Variants in LRRC7 observed in about 807,000 individuals in gnomAD.
LRRC7 encodes leucine-rich repeat-containing protein 7.
A neutral mutation model predicts 175.7 loss-of-function variants in LRRC7; 23 were observed. The observed-to-expected ratio is 0.13, with a 90% CI of 0.09 to 0.19. The LOEUF (loss-of-function observed/expected upper bound fraction) is 0.19, where lower values mean the gene tolerates loss of function less well. LRRC7 is among the 10% of genes least tolerant of loss of function. LRRC7 has a pLI of 1.00. For missense variants in LRRC7, 1,354 were observed against 1,904.7 expected, an observed-to-expected ratio of 0.71 and a Z score of 5.38; for synonymous variants, 685 against 680.9, an observed-to-expected ratio of 1.01 and a Z score of -0.09.
chr1:69,865,258 C>A (rs1430560737), intron 7 of LRRC7, among the ~76,000 whole-genome samples: 1 of 151,934 alleles, frequency 6.6e-6, no homozygotes. Flanking sequence ...ACGACATCTG[C>A]ACAACATGCA....
Position 69,792,171 on chromosome 1 carries a change from T to C in LRRC7, c.421+11T>C, listed in dbSNP as rs762863828. 2.1e-5 allele frequency: 30 copies of C among 1,447,650 alleles called. No individual in the cohort carries two copies. Among genetic ancestry groups the C allele is most frequent in the Admixed American group, 5.4e-5 (3 of 55,620 alleles). 89.7% of individuals were successfully genotyped at this position (1,447,650 alleles called of 1,614,324 possible). The stretch of plus-strand genomic sequence containing the variant: ...ACATCAGTAAAAATGGTAAGATTTT[T>C]CTCTCATCATAAAATACCTAGAATT... On this transcript the variant is annotated intron_variant, in intron 4 of 26. Coordinates refer to ENST00000651989, the MANE Select transcript of LRRC7 (RefSeq NM_001370785.2).
intron 8 of LRRC7, among the ~76,000 whole-genome samples, chr1:69,956,441 T>C (rs189646063): frequency 6.6e-6 from 1 of 151,990 alleles, no homozygotes. Context: ...GAATAAATAT[T>C]ACAAGTTTTA....
chr1:69,970,019 T>C (rs1652066700), intron 8 of LRRC7, among the ~76,000 whole-genome samples: 1 of 152,128 alleles, frequency 6.6e-6, no homozygotes, highest in South Asian at 2.1e-4. Context: ...AATAACTTGC[T>C]CCTGAATGAT....
At chr1:69,700,078 G>T (rs1663151790) in intron 2 of LRRC7, among the ~76,000 whole-genome samples, 1 of 152,122 alleles carries the variant, frequency 6.6e-6, no homozygotes, top group Non-Finnish European at 1.5e-5. Context: ...TCAACATTCT[G>T]ATCCCTCTTA....
At chr1:69,928,927 G>T (rs1433366112) in intron 7 of LRRC7, among the ~76,000 whole-genome samples, 2 of 152,188 alleles carry the variant, frequency 1.3e-5, no homozygotes, top group African/African-American at 4.8e-5. Flanking sequence ...GTAGACCGGA[G>T]CTGTTCCTAT....
chr1:69,826,842 C>A lies in LRRC7; in HGVS notation c.500+1016C>A, dbSNP rs1343748. Among the ~76,000 whole-genome samples, 1,089 of 151,874 alleles carry A rather than the reference C, an allele frequency of 7.2e-3. 42 individuals are homozygous for A. The South Asian group carries it at 0.089, about 12-fold the overall frequency. On this transcript the variant is annotated intron_variant, in intron 5 of 26. Transcript: ENST00000651989. ...GGGAAGTTGATGGGAAATTTTATACCAGTAGAGTTGAGGAGAGGGAGTAGT... is the reference window on the plus strand; with the variant it reads ...GGGAAGTTGATGGGAAATTTTATACAAGTAGAGTTGAGGAGAGGGAGTAGT...
chr1:69,648,251 A>G (rs1655281653), intron 1 of LRRC7, among the ~76,000 whole-genome samples: 1 of 152,162 alleles, frequency 6.6e-6, no homozygotes, highest in Admixed American at 6.5e-5. Context: ...GTAATTGTTC[A>G]TAAATTAACT....
intron 2 of LRRC7, among the ~76,000 whole-genome samples, chr1:69,708,836 T>C (rs1664383488): frequency 6.6e-6 from 1 of 152,260 alleles, no homozygotes; most frequent in Admixed American, 6.5e-5. Context: ...AATGGAACAA[T>C]GTGAGCAGAA....
chr1:69,934,499 G>GC (rs1557905887), intron 8 of LRRC7, among the ~76,000 whole-genome samples: 1 of 99,114 alleles, frequency 1.0e-5, no homozygotes, highest in Non-Finnish European at 2.2e-5. Flanking sequence ...TTTGGCGGGG[G>GC]GGGGGCGGGG....
intron 1 of LRRC7, among the ~76,000 whole-genome samples, chr1:69,578,292 A>G (rs1646042472): frequency 6.7e-6 from 1 of 150,226 alleles, no homozygotes; most frequent in Non-Finnish European, 1.5e-5. Context: ...TCAGGAATCA[A>G]CAGGTGCTGG....
intron 26 of LRRC7, among the ~76,000 whole-genome samples, chr1:70,114,523 C>A (rs879203445): frequency 2.0e-5 from 3 of 151,906 alleles, no homozygotes; most frequent in South Asian, 2.1e-4. Flanking sequence ...CCCGTCTCTA[C>A]GAAAAAAATT....
At chr1:69,649,580 T>G (rs186155667) in intron 1 of LRRC7, among the ~76,000 whole-genome samples, 1 of 152,252 alleles carries the variant, frequency 6.6e-6, no homozygotes, top group Admixed American at 6.5e-5. Context: ...TAATAGAGAT[T>G]AGAAGTAATT....
intron 23 of LRRC7, among the ~76,000 whole-genome samples, chr1:70,054,964 T>C (rs1219023736): frequency 6.6e-6 from 1 of 152,190 alleles, no homozygotes; most frequent in East Asian, 1.9e-4. Flanking sequence ...ATTACATACT[T>C]ACACTCTTTG....
chr1:69,866,951 T>A (rs547341973), intron 7 of LRRC7, among the ~76,000 whole-genome samples: 12 of 152,260 alleles, frequency 7.9e-5, no homozygotes, highest in African/African-American at 2.9e-4. Context: ...TATATTAAGC[T>A]CACAGTAGGA....
At chr1:70,061,539 G>T (rs529562564) in intron 23 of LRRC7, among the ~76,000 whole-genome samples, 67 of 152,142 alleles carry the variant, frequency 4.4e-4, no homozygotes, top group Non-Finnish European at 7.2e-4. Flanking sequence ...CAAGAAATGA[G>T]TTCAGTGAAA....
intron 25 of LRRC7, among the ~76,000 whole-genome samples, chr1:70,102,477 A>G (rs1256783504): frequency 6.6e-6 from 1 of 152,206 alleles, no homozygotes; most frequent in Non-Finnish European, 1.5e-5. Context: ...GAAACTCTCA[A>G]TGTGGGCTTT....
intron 26 of LRRC7, among the ~76,000 whole-genome samples, chr1:70,114,654 C>T (rs1290417908): frequency 6.6e-6 from 1 of 152,196 alleles, no homozygotes; most frequent in Non-Finnish European, 1.5e-5. Context: ...AGCCATTGCA[C>T]TCCAGCCTGG....
chr1:69,651,807 C>G (rs1269469237), intron 1 of LRRC7, among the ~76,000 whole-genome samples: 10 of 152,084 alleles, frequency 6.6e-5, no homozygotes, highest in Non-Finnish European at 1.2e-4. Context: ...ATGTAAAGTT[C>G]TAGCTCTTTG....
rs778320194 is a variant in LRRC7, at chr1:70,023,202, G to T, written c.1622G>T (p.Cys541Phe). 3 of 1,601,440 alleles carry T rather than the reference G, an allele frequency of 1.9e-6. No individual in the cohort carries two copies. Among genetic ancestry groups the T allele is most frequent in the Non-Finnish European group, 2.6e-6 (3 of 1,172,494 alleles). ...CAACCTGCCAGACTGTCTGGCGATT[G>T]CTGCACACCATGGGCCAGGTGTGAT... ...TLQPARLSGD[C>F]CTPWARCDQQ... Residue 541 changes from cysteine (C) to phenylalanine (F), a missense_variant, in exon 17 of 27, where the codon TGC (cysteine) becomes TTC (phenylalanine). Transcript: ENST00000651989.
Sources: gnomAD v4.1 joint callset for allele counts (sites outside exome capture counted in the v4.1 genomes callset) on GRCh38, gnomAD v4.1.1 for gene constraint, MANE v1.5 for transcripts, NCBI Gene and HGNC (gene_info 2026-07-23, HGNC 2026-07-21) for gene names.